The following SH3GL1 variants were observed in gnomAD, a reference collection of about 807,000 sequenced individuals.
SH3GL1 encodes endophilin-A2.
In SH3GL1, 21 loss-of-function variants were observed where a neutral mutation model predicts 48.8. That is an observed-to-expected ratio of 0.43 (90% CI 0.30 to 0.62). The LOEUF (loss-of-function observed/expected upper bound fraction) is 0.62, where lower values mean the gene tolerates loss of function less well. SH3GL1 is among the 20% of genes least tolerant of loss of function. The pLI is 0.11. For missense variants in SH3GL1, 454 were observed against 503.0 expected (o/e 0.90, Z 0.93); for synonymous variants, 282 against 217.5 (o/e 1.30, Z -2.61).
In SH3GL1 at chr19:4,365,628, G is replaced by A. The variant is rs754849937; in HGVS notation, c.188-3C>T. The A allele has an allele frequency of 2.6e-5, 42 of 1,613,734 alleles. No homozygotes were observed. The highest frequency in any genetic ancestry group is 3.4e-5 in the Non-Finnish European group (40 of 1,180,048). On this transcript the variant is annotated splice_region_variant and splice_polypyrimidine_tract_variant and intron_variant, in intron 3 of 9. Transcript: ENST00000269886. ...CATGGTCAGCTTAGCCCGCGAGGCTGGGATAGGATGGCCAGGTGGGTGTGG... is the reference window on the plus strand; with the variant it reads ...CATGGTCAGCTTAGCCCGCGAGGCTAGGATAGGATGGCCAGGTGGGTGTGG...
Position 4,361,699 on chromosome 19 carries a change from G to C in SH3GL1, c.1008C>G (p.Thr336=). Residue 336 remains threonine, a synonymous_variant, in exon 10 of 10, where the codon ACC becomes ACG. Transcript: ENST00000269886. ...GFHEGDVITL[T]NQIDENWYEG... ...CGTACCAGTTCTCATCGATCTGGTT[G>C]GTCAGCGTGATGACGTCGCCCTCAT... The C allele has an allele frequency of 1.9e-6, 3 of 1,613,098 alleles. No individual in the cohort carries two copies. The highest frequency in any genetic ancestry group is 2.5e-6 in the Non-Finnish European group (3 of 1,179,656).
chr19:4,399,453 A>G (rs1229100172), intron 1 of SH3GL1, among the ~76,000 whole-genome samples: 1 of 151,458 alleles, frequency 6.6e-6, no homozygotes, highest in East Asian at 1.9e-4. Flanking sequence ...GGGAGGGAGG[A>G]AGGAAGGAAA....
Position 4,363,884 on chromosome 19 carries a change from G to A in SH3GL1, c.466-6C>T. ...TCCAGTTTCTTCAGGTGGTGCTGGA[G>A]ACGTGGGGGACATGGGTCACACCAG... On this transcript the variant is annotated splice_region_variant and splice_polypyrimidine_tract_variant and intron_variant, in intron 5 of 9. Transcript: ENST00000269886. 6.2e-7 allele frequency: 1 copy of A among 1,612,010 alleles called. No individual in the cohort carries two copies. Among genetic ancestry groups the A allele is most frequent in the East Asian group, 2.2e-5 (1 of 44,884 alleles).
At position 4,361,812 on chromosome 19, in the gene SH3GL1, G is replaced by T; in HGVS notation, c.911-16C>A. The T allele has an allele frequency of 1.3e-6, 2 of 1,578,450 alleles. No individual in the cohort carries two copies. The highest frequency in any genetic ancestry group is 1.7e-6 in the Non-Finnish European group (2 of 1,158,226). On this transcript the variant is annotated splice_polypyrimidine_tract_variant and intron_variant, in intron 9 of 9. Transcript: ENST00000269886. Reference sequence around the variant, plus strand: ...TCCAGGGGCGCTGGGGGCGGGAGCGGGCTGTGGGGCTGGGGCTGCTACGCC... The same window carrying T: ...TCCAGGGGCGCTGGGGGCGGGAGCGTGCTGTGGGGCTGGGGCTGCTACGCC...
chr19:4,364,644 C>A (rs1018598690), intron 4 of SH3GL1: 1 of 178,050 alleles, frequency 5.6e-6, no homozygotes, highest in Admixed American at 5.7e-5. Context: ...TAGACCACAC[C>A]GGTCTCGAAC....
chr19:4,392,180 A>G (rs1973349509), intron 1 of SH3GL1, among the ~76,000 whole-genome samples: 1 of 152,202 alleles, frequency 6.6e-6, no homozygotes, highest in Non-Finnish European at 1.5e-5. Flanking sequence ...CTCCCAGCAC[A>G]AGGGTATACA....
Position 4,376,298 on chromosome 19 carries a change from C to T in SH3GL1, c.46-9304G>A. On this transcript the variant is annotated intron_variant, in intron 1 of 9. Transcript: ENST00000269886. This position sits in a 1 kb window ranked among gnomAD's most constrained non-coding sequence, Gnocchi z 4.3. ...ACCAGAGCCTGGTGTCCCTGTGCAG[C>T]TGTGCCAGGTGGGCAGAGGAGACAG... is the stretch of plus-strand genomic sequence containing the variant. Among the ~76,000 whole-genome samples, 1 of 152,284 alleles carries T rather than the reference C, an allele frequency of 6.6e-6. No individual in the cohort carries two copies. Among genetic ancestry groups the T allele is most frequent in the East Asian group, 1.9e-4 (1 of 5,172 alleles).
intron 1 of SH3GL1, among the ~76,000 whole-genome samples, chr19:4,370,474 C>T (rs896340174): frequency 3.9e-5 from 6 of 152,308 alleles, no homozygotes; most frequent in East Asian, 3.9e-4. Context: ...GACCACCCTC[C>T]GCTGACTGAA....
chr19:4,364,726 G>A (rs986866997), intron 4 of SH3GL1: 3 of 153,520 alleles, frequency 2.0e-5, no homozygotes, highest in Admixed American at 1.3e-4. Flanking sequence ...ACCGCACCCG[G>A]TTTTTGTTTT....
rs530721154 is a variant in SH3GL1, at chr19:4,361,294, T to C, written c.*306A>G. ...AGTGTTTCTAAGAGCACCTTAGTGT[T>C]GCCCCGCCTCGGCCAGCTGGGCGAG... On this transcript the variant is annotated 3_prime_UTR_variant, in exon 10 of 10. Transcript: ENST00000269886. 1.6e-4 allele frequency: 74 copies of C among 470,142 alleles called. No individual in the cohort carries two copies. In the East Asian group the frequency reaches 2.6e-3, roughly 17 times the overall value. The allele number at this position is 470,142 out of a possible 1,614,324, so 29.1% of individuals were successfully genotyped here. A position where few individuals can be genotyped will look rare whatever the true frequency, so the allele number is the denominator to read the frequency against.
chr19:4,395,999 T>TC (rs1195367591), intron 1 of SH3GL1: 2 of 151,462 alleles, frequency 1.3e-5, no homozygotes, highest in Non-Finnish European at 2.9e-5. Flanking sequence ...TGGATCTAGC[T>TC]CCCCCCTAAA....
intron 3 of SH3GL1, among the ~76,000 whole-genome samples, chr19:4,365,899 C>T (rs1438645219): frequency 1.3e-5 from 2 of 152,218 alleles, no homozygotes; most frequent in Non-Finnish European, 2.9e-5. Context: ...TATGACCCCT[C>T]ATCTGGGGGG....
rs750716643 is a variant in SH3GL1 at position 4,363,475 on chromosome 19, T to C, written c.625-2A>G. The C allele has an allele frequency of 6.2e-7, 1 of 1,611,094 alleles. No individual in the cohort carries two copies. Among genetic ancestry groups the C allele is most frequent in the South Asian group, 1.1e-5 (1 of 90,748 alleles). ...CGAGAGCTGACTCACCTGCTCGATC[T>C]GTGGGGACAGTAGGGCTCAGGGGCT... On this transcript the variant is annotated splice_acceptor_variant, in intron 6 of 9. Coordinates refer to ENST00000269886, the MANE Select transcript of SH3GL1 (RefSeq NM_003025.4). LOFTEE classifies it high-confidence loss of function.
chr19:4,370,086 C>T (rs1322499837), intron 1 of SH3GL1, among the ~76,000 whole-genome samples: 3 of 152,372 alleles, frequency 2.0e-5, no homozygotes, highest in Non-Finnish European at 2.9e-5. Context: ...CAGAGCTGGG[C>T]GCCACGGGGA....
At chr19:4,387,509 G>A (rs1214186333) in intron 1 of SH3GL1, among the ~76,000 whole-genome samples, 3 of 151,368 alleles carry the variant, frequency 2.0e-5, no homozygotes. Flanking sequence ...TGCCCAAATG[G>A]GCTTGAACAA....
At position 4,366,994 on chromosome 19, in the gene SH3GL1, G is replaced by A. The variant is rs1224047455; in HGVS notation, c.46C>T (p.Leu16=). The change falls in exon 2 of 10, where the codon CTG becomes TTG. Residue 16 remains leucine (L), a splice_region_variant and synonymous_variant. Coordinates refer to ENST00000269886, the MANE Select transcript of SH3GL1 (RefSeq NM_003025.4). ...LKKQFYKASQ[L]VSEKVGGAEG... ...GCCCCTCCGACCTTCTCACTGACCA[G>A]CTAGAGGACAGAAGAGGGGAAACGC... 3 of 1,613,770 alleles carry A rather than the reference G, an allele frequency of 1.9e-6. No homozygotes were observed. The highest frequency in any genetic ancestry group is 2.5e-6 in the Non-Finnish European group (3 of 1,179,824).
rs1472105152 is a variant in SH3GL1, at chr19:4,361,044, G to A, written c.*556C>T. On this transcript the variant is annotated 3_prime_UTR_variant, in exon 10 of 10. Transcript: ENST00000269886. ...TGAGGCCCTCTGCCCTGGCCTTGAG[G>A]AGAAGGAGTGCGTGTGTGAGGCGGG... is the stretch of plus-strand genomic sequence containing the variant. 8.5e-6 allele frequency: 2 copies of A among 234,448 alleles called. No individual in the cohort carries two copies. The highest frequency in any genetic ancestry group is 2.2e-5 in the African/African-American group (1 of 45,260). 14.5% of individuals were successfully genotyped at this position (234,448 alleles called of 1,614,324 possible).
rs1354329105 is a variant in SH3GL1 at position 4,367,869 on chromosome 19, G to A, written c.46-875C>T. ...CCCACGTATCCCATGTGTGCCTGGC[G>A]CCAAGGGATGCCGCACAGAGTGAGG... On this transcript the variant is annotated intron_variant, in intron 1 of 9. Transcript: ENST00000269886. This position sits in a 1 kb window ranked among gnomAD's most constrained non-coding sequence, Gnocchi z 4.2. Among the ~76,000 whole-genome samples, 3 of 152,180 alleles carry A rather than the reference G, an allele frequency of 2.0e-5. No individual in the cohort carries two copies. Among genetic ancestry groups the A allele is most frequent in the Non-Finnish European group, 4.4e-5 (3 of 68,038 alleles).
intron 1 of SH3GL1, among the ~76,000 whole-genome samples, chr19:4,387,031 G>T (rs1007066720): frequency 4.6e-5 from 7 of 152,022 alleles, no homozygotes. Flanking sequence ...CTGCCTCCCG[G>T]GTTCACGCCA....
Sources: gnomAD v4.1 joint callset for allele counts (sites outside exome capture counted in the v4.1 genomes callset) on GRCh38, gnomAD v4.1.1 for gene constraint, Gnocchi (gnomAD v3.1) non-coding constraint, MANE v1.5 for transcripts, NCBI Gene and HGNC (gene_info 2026-07-23, HGNC 2026-07-21) for gene names.